TMEM163: variants seen among roughly 807,000 people sequenced by gnomAD.
TMEM163 encodes the protein transmembrane protein 163.
TMEM163 carries 17 observed loss-of-function variants against 29.3 expected under a neutral mutation model. That is an observed-to-expected ratio of 0.58 (90% CI 0.40 to 0.87). The LOEUF (loss-of-function observed/expected upper bound fraction) is 0.87. Among genes scored for constraint, TMEM163 ranks in the 40% least tolerant of loss-of-function variants. TMEM163 has a pLI of 0.00. For missense variants in TMEM163, 303 were observed against 381.5 expected (o/e 0.79, Z 1.71); for synonymous variants, 157 against 160.6 (o/e 0.98, Z 0.17).
In TMEM163 at chr2:134,713,242, A is replaced by G; in HGVS notation, c.280T>C (p.Phe94Leu). The G allele has an allele frequency of 6.2e-7, 1 of 1,614,204 alleles. No homozygotes were observed. Among genetic ancestry groups the G allele is most frequent in the South Asian group, 1.1e-5 (1 of 91,082 alleles). ...YRKKALWVSW[F>L]SIIVTLALAV... ...AGGGCCAGGGTGACAATGATGGAGAACCAGGACACCCACAATGCCTTCTTC... is the reference window on the plus strand; with the variant it reads ...AGGGCCAGGGTGACAATGATGGAGAGCCAGGACACCCACAATGCCTTCTTC... The change falls in exon 2 of 8, where the codon TTC (phenylalanine) becomes CTC (leucine). Residue 94 changes from phenylalanine (F) to leucine (L), a missense_variant. This residue lies in a region of TMEM163 where 203 missense variants were observed against 294.3 expected (regional missense o/e 0.69). Coordinates refer to ENST00000281924, the MANE Select transcript of TMEM163 (RefSeq NM_030923.5).
chr2:134,692,639 C>T (rs912933785), intron 2 of TMEM163, among the ~76,000 whole-genome samples: 2 of 152,140 alleles, frequency 1.3e-5, no homozygotes, highest in Non-Finnish European at 2.9e-5. Context: ...CTCACACGGC[C>T]GTTCCTCAGT....
chr2:134,581,856 C>T (rs950141806), intron 2 of TMEM163, among the ~76,000 whole-genome samples: 1 of 152,232 alleles, frequency 6.6e-6, no homozygotes, highest in Non-Finnish European at 1.5e-5. Context: ...TTCCATCTCC[C>T]TCCTGCCCTT....
chr2:134,557,094 G>A (rs1447690823), intron 2 of TMEM163, among the ~76,000 whole-genome samples: 1 of 152,220 alleles, frequency 6.6e-6, no homozygotes, highest in African/African-American at 2.4e-5. Context: ...GGACCTTCCA[G>A]AGAAGAAGAG....
At chr2:134,588,827 A>C (rs1418539038) in intron 2 of TMEM163, among the ~76,000 whole-genome samples, 1 of 152,284 alleles carries the variant, frequency 6.6e-6, no homozygotes, top group South Asian at 2.1e-4. Context: ...AAGGATGGCA[A>C]GTAAACAGGC....
intron 5 of TMEM163, among the ~76,000 whole-genome samples, chr2:134,493,413 G>A (rs1283367741): frequency 6.3e-5 from 7 of 111,970 alleles, no homozygotes; most frequent in South Asian, 3.2e-4. Context: ...TCACTCTGTC[G>A]CCCAGTCTGG....
chr2:134,597,980 TTG>T (rs1682128117), intron 2 of TMEM163, among the ~76,000 whole-genome samples: 1 of 152,250 alleles, frequency 6.6e-6, no homozygotes, highest in Non-Finnish European at 1.5e-5. Context: ...TCATTTTTTA[TTG>T]TGTCTATTTG....
intron 2 of TMEM163, among the ~76,000 whole-genome samples, chr2:134,584,920 C>T (rs1441566308): frequency 6.6e-6 from 1 of 152,146 alleles, no homozygotes; most frequent in Non-Finnish European, 1.5e-5. Context: ...GCAGCAGAGT[C>T]CAATGCCCAG....
chr2:134,494,283 A>G (rs768762891), intron 5 of TMEM163, among the ~76,000 whole-genome samples: 2 of 152,176 alleles, frequency 1.3e-5, no homozygotes, highest in African/African-American at 2.4e-5. Context: ...AGTCTGACAC[A>G]ATGATTTCTG....
intron 5 of TMEM163, among the ~76,000 whole-genome samples, chr2:134,502,154 C>T (rs1157837831): frequency 1.3e-5 from 2 of 152,144 alleles, no homozygotes; most frequent in East Asian, 3.8e-4. Context: ...TCAGATGGTG[C>T]ATGTAGCCAA....
At chr2:134,659,249 C>T (rs1374268092) in intron 2 of TMEM163, among the ~76,000 whole-genome samples, 2 of 152,196 alleles carry the variant, frequency 1.3e-5, no homozygotes, top group Non-Finnish European at 2.9e-5. Flanking sequence ...AGTTTTCCAG[C>T]TCCATTTTAA....
intron 2 of TMEM163, among the ~76,000 whole-genome samples, chr2:134,677,116 G>A (rs1684131486): frequency 1.3e-5 from 2 of 152,108 alleles, no homozygotes; most frequent in Admixed American, 6.6e-5. Context: ...ATCAAAGCAG[G>A]TCAGCTTCCG....
At chr2:134,519,227 G>T (rs1680140789) in intron 4 of TMEM163, among the ~76,000 whole-genome samples, 1 of 152,202 alleles carries the variant, frequency 6.6e-6, no homozygotes, top group Non-Finnish European at 1.5e-5. Flanking sequence ...GCCCCAAAAA[G>T]CAAGACTTCC....
chr2:134,660,243 G>A lies in TMEM163; in HGVS notation c.322+52957C>T, dbSNP rs115636820. 3.9e-3 allele frequency among the ~76,000 whole-genome samples: 588 copies of A among 152,222 alleles called. 8 individuals are homozygous for A. The highest frequency in any genetic ancestry group is 0.013 in the African/African-American group (553 of 41,532). Reference sequence around the variant, plus strand: ...CACCAGAGGGTTTTTAAGAGAGTGGGAAGATTAATTTCTAACTAAAAAAAT... The same window carrying A: ...CACCAGAGGGTTTTTAAGAGAGTGGAAAGATTAATTTCTAACTAAAAAAAT... On this transcript the variant is annotated intron_variant, in intron 2 of 7. Transcript: ENST00000281924.
At position 134,529,743 on chromosome 2, in the gene TMEM163, C is replaced by T. The variant is rs6737712; in HGVS notation, c.458+20827G>A. Among the ~76,000 whole-genome samples the T allele has an allele frequency of 9.0e-3, 1,354 of 151,072 alleles. 21 individuals carry two copies. The highest frequency in any genetic ancestry group is 0.031 in the African/African-American group (1,263 of 41,060). ...TCACACTATTGTACTCTAGCCTAGG[C>T]GACACAGCAAGACCCTACCTCAAAA... On this transcript the variant is annotated intron_variant, in intron 4 of 7. Transcript: ENST00000281924.
In TMEM163 at chr2:134,529,070, A is replaced by G. The variant is rs180852894; in HGVS notation, c.458+21500T>C. Among the ~76,000 whole-genome samples, 16 of 152,312 alleles carry G rather than the reference A, an allele frequency of 1.1e-4. No homozygotes were observed. In the East Asian group the frequency reaches 1.5e-3, roughly 15 times the overall value. ...AACCCGGCCAGATGCTATGGCTCAC[A>G]CCTGTAATCCCAGCATTTGGGAAGC... On this transcript the variant is annotated intron_variant, in intron 4 of 7. Transcript: ENST00000281924.
At chr2:134,517,758 T>C (rs1441585672) in intron 4 of TMEM163, among the ~76,000 whole-genome samples, 6 of 152,224 alleles carry the variant, frequency 3.9e-5, no homozygotes, top group Non-Finnish European at 8.8e-5. Flanking sequence ...ATGGGAATTC[T>C]GGCTTATTAA....
At chr2:134,717,427 C>T (rs79441021) in intron 1 of TMEM163, among the ~76,000 whole-genome samples, 1 of 152,190 alleles carries the variant, frequency 6.6e-6, no homozygotes, top group African/African-American at 2.4e-5. Flanking sequence ...GCCACTGGAG[C>T]AGCTCCAGTT....
At chr2:134,519,881 C>T (rs1276281326) in intron 4 of TMEM163, among the ~76,000 whole-genome samples, 2 of 134,658 alleles carry the variant, frequency 1.5e-5, no homozygotes, top group African/African-American at 3.1e-5. Flanking sequence ...CAGAGCAAGA[C>T]CCCACCTCAA....
At chr2:134,605,084 G>A (rs1682321319) in intron 2 of TMEM163, among the ~76,000 whole-genome samples, 2 of 151,786 alleles carry the variant, frequency 1.3e-5, no homozygotes, top group South Asian at 4.2e-4. Context: ...GGCTGAGGCA[G>A]GAGAATAGCT....
Sources: gnomAD v4.1 joint callset for allele counts (sites outside exome capture counted in the v4.1 genomes callset) on GRCh38, gnomAD v4.1.1 for gene constraint, gnomAD v4.1.1 regional missense constraint, MANE v1.5 for transcripts, NCBI Gene and HGNC (gene_info 2026-07-23, HGNC 2026-07-21) for gene names.